Variants in CUBN observed in about 807,000 individuals in gnomAD.
CUBN encodes the protein 460 kDa receptor.
CUBN carries 282 observed loss-of-function variants against 405.3 expected under a neutral mutation model. The ratio of observed to expected loss-of-function variants is 0.70; its 90% confidence interval spans 0.63 to 0.77. The LOEUF (loss-of-function observed/expected upper bound fraction) is 0.77, where lower values mean the gene tolerates loss of function less well. Among genes scored for constraint, CUBN ranks in the 30% least tolerant of loss-of-function variants. The pLI is 0.00. For missense variants in CUBN, 4,514 were observed against 4,475.2 expected, an observed-to-expected ratio of 1.01 and a Z score of -0.25; for synonymous variants, 1,684 against 1,617.0, an observed-to-expected ratio of 1.04 and a Z score of -0.99.
chr10:16,940,220 T>C lies in CUBN; in HGVS notation c.5360A>G (p.Asp1787Gly). 2 of 1,613,968 alleles carry C rather than the reference T, an allele frequency of 1.2e-6. No homozygotes were observed. The highest frequency in any genetic ancestry group is 1.1e-5 in the South Asian group (1 of 91,080). Residue 1787 changes from aspartate to glycine, a missense_variant, in exon 37 of 67, where the codon GAC (aspartate) becomes GGC (glycine). This residue lies in a region of CUBN where 1,613 missense variants were observed against 1,542.8 expected (regional missense o/e 1.05). Coordinates refer to ENST00000377833, the MANE Select transcript of CUBN (RefSeq NM_001081.4). ...AAAATCTCTGCTGCAGTCCTGAGAG[T>C]CTTCCAACTGGAAAGATCTGATTTG... is the stretch of plus-strand genomic sequence containing the variant. ...QLSFISFQLE[D>G]SQDCSRDFVE...
intron 36 of CUBN, among the ~76,000 whole-genome samples, chr10:16,942,921 A>T (rs1263490429): frequency 6.6e-6 from 1 of 152,114 alleles, no homozygotes; most frequent in Non-Finnish European, 1.5e-5. Context: ...GGGAAAGGAA[A>T]GGAAAAATGT....
chr10:17,001,268 G>C (rs1361294664), intron 28 of CUBN, among the ~76,000 whole-genome samples: 15 of 152,190 alleles, frequency 9.9e-5, no homozygotes, highest in Admixed American at 1.3e-4. Flanking sequence ...AAAGAACAAA[G>C]CTTCCACAGC....
At chr10:16,951,618 C>T (rs1842923214) in intron 33 of CUBN, among the ~76,000 whole-genome samples, 1 of 152,166 alleles carries the variant, frequency 6.6e-6, no homozygotes, top group African/African-American at 2.4e-5. Flanking sequence ...TCCTGATGTT[C>T]TCTGTCTGTA....
chr10:17,119,744 A>G (rs762315924), intron 6 of CUBN, among the ~76,000 whole-genome samples: 31 of 152,200 alleles, frequency 2.0e-4, no homozygotes, highest in Non-Finnish European at 3.5e-4. Context: ...AGCATGGAGA[A>G]GTGGCGAAAT....
chr10:16,928,901 A>C (rs1842287657), intron 40 of CUBN, among the ~76,000 whole-genome samples: 1 of 152,018 alleles, frequency 6.6e-6, no homozygotes, highest in Non-Finnish European at 1.5e-5. Context: ...AAATCAGAGT[A>C]CCTGGGATTG....
At chr10:17,101,285 G>C (rs1836488016) in intron 13 of CUBN, among the ~76,000 whole-genome samples, 1 of 152,004 alleles carries the variant, frequency 6.6e-6, no homozygotes, top group Non-Finnish European at 1.5e-5. Flanking sequence ...AAAAAAACAA[G>C]ATGAATTTTC....
chr10:16,962,177 A>G (rs929209834), intron 31 of CUBN, among the ~76,000 whole-genome samples: 1 of 152,342 alleles, frequency 6.6e-6, no homozygotes, highest in Middle Eastern at 3.4e-3. Flanking sequence ...ATATGAATAT[A>G]TAGCTCATAC....
intron 4 of CUBN, among the ~76,000 whole-genome samples, chr10:17,124,822 T>C (rs1282237606): frequency 6.6e-6 from 1 of 151,962 alleles, no homozygotes; most frequent in African/African-American, 2.4e-5. Flanking sequence ...TTGGTTGGTA[T>C]CGTTGTTTTG....
intron 29 of CUBN, 145 bp from the exon 30 acceptor site, chr10:16,984,424 A>G: frequency 2.5e-6 from 2 of 809,684 alleles, no homozygotes; most frequent in Non-Finnish European, 4.0e-6. Context: ...GGGATGCACT[A>G]TAAACTTGAG....
At chr10:16,866,867 T>C (rs182909243) in intron 59 of CUBN, among the ~76,000 whole-genome samples, 9 of 152,320 alleles carry the variant, frequency 5.9e-5, no homozygotes, top group African/African-American at 1.9e-4. Flanking sequence ...GAGACCCAAT[T>C]TCACTACATA....
chr10:17,118,863 ATTT>A (rs1588655399), intron 6 of CUBN, among the ~76,000 whole-genome samples: 1 of 152,250 alleles, frequency 6.6e-6, no homozygotes, highest in African/African-American at 2.4e-5. Flanking sequence ...CATATATTGT[ATTT>A]TTAAAACCAA....
In CUBN at chr10:17,047,397, TAAATA is replaced by T. The variant is rs1835161586; in HGVS notation, c.3329+12_3329+16del. The T allele has an allele frequency of 6.4e-7, 1 of 1,557,730 alleles. No homozygotes were observed. On this transcript the variant is annotated intron_variant, in intron 23 of 66. Transcript: ENST00000377833. ...AAATAATGAAAAGATTATAATGAAATAAATAAAAGTGCTGACCTGATTTCCAGAAA... is the reference window on the plus strand; with the variant it reads ...AAATAATGAAAAGATTATAATGAAATAAAGTGCTGACCTGATTTCCAGAAA...
Position 16,836,228 on chromosome 10 carries a change from G to A in CUBN, c.10180+7C>T. On this transcript the variant is annotated splice_region_variant and intron_variant, in intron 63 of 66. Transcript: ENST00000377833. The stretch of plus-strand genomic sequence containing the variant: ...TTTTGAATAAAAGATGAAGTTCCTG[G>A]CCTCACCTGCAATCTGATAGGTGAA... The A allele has an allele frequency of 6.2e-7, 1 of 1,612,320 alleles. No individual in the cohort carries two copies. The highest frequency in any genetic ancestry group is 8.5e-7 in the Non-Finnish European group (1 of 1,178,390).
chr10:16,977,674 T>G (rs55796500), intron 31 of CUBN, among the ~76,000 whole-genome samples: 7,424 of 152,268 alleles, frequency 0.049, 263 homozygotes, highest in East Asian at 0.16. Flanking sequence ...GGTTAAAACT[T>G]AAGCCATCTG....
chr10:16,958,921 C>G (rs1355639070), intron 31 of CUBN, among the ~76,000 whole-genome samples: 1 of 152,184 alleles, frequency 6.6e-6, no homozygotes, highest in Non-Finnish European at 1.5e-5. Context: ...CAAGAACAAG[C>G]TGCCAGCAAG....
Position 16,946,980 on chromosome 10 carries a change from T to C in CUBN, c.5342+255A>G, listed in dbSNP as rs149853785. 9.9e-5 allele frequency among the ~76,000 whole-genome samples: 15 copies of C among 152,274 alleles called. No individual in the cohort carries two copies. In the East Asian group the frequency reaches 2.7e-3, roughly 27 times the overall value. On this transcript the variant is annotated intron_variant, in intron 36 of 66. Coordinates refer to ENST00000377833, the MANE Select transcript of CUBN (RefSeq NM_001081.4). ...AGATAAGATTCCTGTACTCTGAACATGAATGCGCCACAGATTCATTCATTC... is the reference window on the plus strand; with the variant it reads ...AGATAAGATTCCTGTACTCTGAACACGAATGCGCCACAGATTCATTCATTC...
chr10:16,888,356 C>G (rs145128029), intron 56 of CUBN, 61 bp downstream of exon 56: 1 of 1,330,002 alleles, frequency 7.5e-7, no homozygotes, highest in African/African-American at 1.5e-5. Context: ...ATGTTGTACA[C>G]CATAAATATA....
intron 31 of CUBN, among the ~76,000 whole-genome samples, chr10:16,978,329 C>T (rs1429405504): frequency 6.6e-6 from 1 of 152,204 alleles, no homozygotes; most frequent in Non-Finnish European, 1.5e-5. Flanking sequence ...CACTCAGAAA[C>T]TTCACACTAC....
At chr10:17,030,978 C>T (rs966471928) in intron 27 of CUBN, among the ~76,000 whole-genome samples, 2 of 152,072 alleles carry the variant, frequency 1.3e-5, no homozygotes, top group Non-Finnish European at 2.9e-5. Context: ...AGTCTTTATT[C>T]TCTGTAATAA....
Sources: gnomAD v4.1 joint callset for allele counts (sites outside exome capture counted in the v4.1 genomes callset) on GRCh38, gnomAD v4.1.1 for gene constraint, gnomAD v4.1.1 regional missense constraint, MANE v1.5 for transcripts, NCBI Gene and HGNC (gene_info 2026-07-23, HGNC 2026-07-21) for gene names.